The following ITIH2 variants were observed in gnomAD, a reference collection of about 807,000 sequenced individuals.
ITIH2 encodes the protein inter-alpha-trypsin inhibitor heavy chain 2.
ITIH2 carries 103 observed loss-of-function variants against 104.4 expected under a neutral mutation model. That is an observed-to-expected ratio of 0.99 (90% CI 0.84 to 1.16). The LOEUF (loss-of-function observed/expected upper bound fraction) is 1.16, where lower values mean the gene tolerates loss of function less well. Ranked by LOEUF, ITIH2 falls within the 50% of genes most tolerant of loss-of-function variation. ITIH2 has a pLI of 0.00. For missense variants in ITIH2, 1,108 were observed against 1,162.4 expected, an observed-to-expected ratio of 0.95 and a Z score of 0.68; for synonymous variants, 436 against 435.4, an observed-to-expected ratio of 1.00 and a Z score of -0.02.
intron 8 of ITIH2, among the ~76,000 whole-genome samples, chr10:7,722,268 T>G (rs1834911516): frequency 6.6e-6 from 1 of 152,042 alleles, no homozygotes; most frequent in South Asian, 2.1e-4. Flanking sequence ...GTGAGGACTC[T>G]TAGAACGTAC....
At chr10:7,730,929 C>T (rs1834996205) in intron 12 of ITIH2, among the ~76,000 whole-genome samples, 1 of 151,976 alleles carries the variant, frequency 6.6e-6, no homozygotes, top group African/African-American at 2.4e-5. Flanking sequence ...GTGACAAGTA[C>T]GTTCAATGGC....
At chr10:7,738,356 T>G (rs1835090792) in intron 15 of ITIH2, among the ~76,000 whole-genome samples, 1 of 144,590 alleles carries the variant, frequency 6.9e-6, no homozygotes, top group Non-Finnish European at 1.5e-5. Flanking sequence ...TGCACTGGAG[T>G]CACGGGGCCC....
chr10:7,707,526 C>T (rs1206036783), intron 3 of ITIH2, among the ~76,000 whole-genome samples: 2 of 151,830 alleles, frequency 1.3e-5, no homozygotes, highest in African/African-American at 4.8e-5. Context: ...TATTCCTACT[C>T]AACCTTTTTG....
intron 5 of ITIH2, among the ~76,000 whole-genome samples, chr10:7,715,822 C>T (rs773751839): frequency 6.6e-6 from 1 of 152,180 alleles, no homozygotes; most frequent in Non-Finnish European, 1.5e-5. Flanking sequence ...CTCACTGCAA[C>T]ATCCACCTCC....
intron 9 of ITIH2, among the ~76,000 whole-genome samples, chr10:7,724,879 T>G (rs2130950605): frequency 6.6e-6 from 1 of 152,334 alleles, no homozygotes; most frequent in Middle Eastern, 3.4e-3. Context: ...TAATTGCCTC[T>G]GGTTGAGAAA....
chr10:7,727,066 AAC>A lies in ITIH2; in HGVS notation c.1105_1106del (p.Gln369GlyfsTer9). ...WRNDLISATK[T>X]QVADAKRYIE... ...GAAATGATTTAATTTCAGCTACAAA[AAC>A]ACAGGTTGCAGATGCCAAGAGGTAT... On this transcript the variant is annotated frameshift_variant, in exon 10 of 21. Coordinates refer to ENST00000358415, the MANE Select transcript of ITIH2 (RefSeq NM_002216.3). LOFTEE classifies it high-confidence loss of function. 1 of 1,614,214 alleles carries A rather than the reference AAC, an allele frequency of 6.2e-7. No homozygotes were observed. Among genetic ancestry groups the A allele is most frequent in the Non-Finnish European group, 8.5e-7 (1 of 1,180,016 alleles).
chr10:7,716,145 C>T (rs138495578), intron 5 of ITIH2, among the ~76,000 whole-genome samples: 3 of 152,044 alleles, frequency 2.0e-5, no homozygotes, highest in Non-Finnish European at 2.9e-5. Context: ...CCACCACACC[C>T]GGCTAATTTT....
intron 15 of ITIH2, among the ~76,000 whole-genome samples, chr10:7,735,303 C>A (rs943508140): frequency 1.7e-4 from 26 of 152,210 alleles, no homozygotes; most frequent in African/African-American, 6.3e-4. Flanking sequence ...CCCAAAGGAA[C>A]TTTTGAAAAC....
intron 20 of ITIH2, 26 bp downstream of exon 20, chr10:7,746,730 A>T (rs1261072146): frequency 2.1e-6 from 3 of 1,425,514 alleles, no homozygotes; most frequent in Non-Finnish European, 3.0e-6. Context: ...AAGGACAGTG[A>T]CGAAAAGGCC....
chr10:7,735,314 C>A (rs1038900196), intron 15 of ITIH2, among the ~76,000 whole-genome samples: 2 of 152,180 alleles, frequency 1.3e-5, no homozygotes, highest in Non-Finnish European at 2.9e-5. Context: ...TTTTGAAAAC[C>A]TGCGTACCCC....
At chr10:7,711,575 G>A (rs563705692) in intron 4 of ITIH2, among the ~76,000 whole-genome samples, 46 of 152,252 alleles carry the variant, frequency 3.0e-4, no homozygotes, top group African/African-American at 1.1e-3. Context: ...TTGAGACTTA[G>A]TTCTGATTCG....
In ITIH2 at chr10:7,744,982, A is replaced by G. The variant is rs778459001; in HGVS notation, c.2581+19A>G. 16 of 1,609,102 alleles carry G rather than the reference A, an allele frequency of 9.9e-6. No individual in the cohort carries two copies. In the South Asian group the frequency reaches 1.4e-4, roughly 14 times the overall value. ...CTAATAGGTAAAGTGTCTATTGACC[A>G]TCTGACAAGGGTGGGGCCGCTCTAA... On this transcript the variant is annotated intron_variant, in intron 19 of 20. Transcript: ENST00000358415.
intron 12 of ITIH2, 35 bp from the exon 13 acceptor site, chr10:7,731,776 A>G: frequency 7.1e-7 from 1 of 1,418,164 alleles, no homozygotes; most frequent in African/African-American, 1.4e-5. Flanking sequence ...AAGCAGTAGG[A>G]ACATAATTTC....
intron 9 of ITIH2, among the ~76,000 whole-genome samples, chr10:7,725,874 C>T (rs1312481201): frequency 6.6e-6 from 1 of 152,016 alleles, no homozygotes; most frequent in Admixed American, 6.6e-5. Context: ...ACAGAGCATT[C>T]CAATATTGGG....
intron 15 of ITIH2, among the ~76,000 whole-genome samples, chr10:7,737,686 T>TTCTATTCTA (rs1564305666): frequency 6.0e-5 from 1 of 16,606 alleles, no homozygotes; most frequent in Non-Finnish European, 1.1e-4. Flanking sequence ...ATTTTCTATA[T>TTCTATTCTA]TATATTCTAT....
chr10:7,731,764 C>A, intron 12 of ITIH2, 47 bp from the exon 13 acceptor site: 1 of 1,294,382 alleles, frequency 7.7e-7, no homozygotes, highest in Non-Finnish European at 1.1e-6. Context: ...TTTAGATCTA[C>A]AAAGCAGTAG....
In ITIH2 at chr10:7,719,760, C is replaced by CAAAAAAA. The variant is rs71385664; in HGVS notation, c.631-1079_631-1073dup. Among the ~76,000 whole-genome samples the CAAAAAAA allele has an allele frequency of 7.4e-4, 31 of 41,704 alleles. 1 individual carries two copies. The highest frequency in any genetic ancestry group is 1.5e-3 in the East Asian group (2 of 1,306). The allele number at this position is 41,704 out of a possible 152,430, so 27.4% of individuals were successfully genotyped here. A position where few individuals can be genotyped will look rare whatever the true frequency, so the allele number is the denominator to read the frequency against. On this transcript the variant is annotated intron_variant, in intron 6 of 20. Coordinates refer to ENST00000358415, the MANE Select transcript of ITIH2 (RefSeq NM_002216.3). Reference sequence around the variant, plus strand: ...TGGATGGCAAAATGAGACCCTGTCTCAAAAAAAAAAAAAAAAAAAAAAAGA... The same window carrying CAAAAAAA: ...TGGATGGCAAAATGAGACCCTGTCTCAAAAAAAAAAAAAAAAAAAAAAAAAAAAAAGA...
In ITIH2 at chr10:7,727,064, A is replaced by G; in HGVS notation, c.1099A>G (p.Lys367Glu). The G allele has an allele frequency of 1.2e-6, 2 of 1,614,224 alleles. No individual in the cohort carries two copies. The highest frequency in any genetic ancestry group is 1.7e-6 in the Non-Finnish European group (2 of 1,180,020). The change falls in exon 10 of 21, where the codon AAA (lysine) becomes GAA (glutamate). Residue 367 changes from lysine to glutamate, a missense_variant. Coordinates refer to ENST00000358415, the MANE Select transcript of ITIH2 (RefSeq NM_002216.3). ...GAGAAATGATTTAATTTCAGCTACA[A>G]AAACACAGGTTGCAGATGCCAAGAG... is the stretch of plus-strand genomic sequence containing the variant. ...TWRNDLISATKTQVADAKRYI... is the reference protein window; with the variant it reads ...TWRNDLISATETQVADAKRYI...
chr10:7,717,698 A>G lies in ITIH2; in HGVS notation c.540A>G (p.Glu180=), dbSNP rs1204093650. 6.2e-7 allele frequency: 1 copy of G among 1,613,632 alleles called. No homozygotes were observed. Among genetic ancestry groups the G allele is most frequent in the African/African-American group, 1.3e-5 (1 of 74,910 alleles). The change falls in exon 6 of 21, where the codon GAA becomes GAG. Residue 180 remains glutamate, a synonymous_variant. Coordinates refer to ENST00000358415, the MANE Select transcript of ITIH2 (RefSeq NM_002216.3). ...NVLPGAKVQF[E]LHYQEVKWRK... is the part of the protein sequence containing the mutation. The stretch of plus-strand genomic sequence containing the variant: ...TCCCAGGAGCAAAGGTGCAGTTCGA[A>G]CTTCACTACCAGGAGGTGAAGTGGA...
Sources: allele counts gnomAD v4.1 joint callset (sites outside exome capture counted in the v4.1 genomes callset), GRCh38; gene constraint gnomAD v4.1.1; transcripts MANE v1.5; gene names NCBI Gene and HGNC (gene_info 2026-07-23, HGNC 2026-07-21).